NAALADL2: variants seen among roughly 807,000 people sequenced by gnomAD.
NAALADL2 encodes the protein N-acetylated alpha-linked acidic dipeptidase like 2.
NAALADL2 carries 76 observed loss-of-function variants against 87.2 expected under a neutral mutation model. The observed-to-expected ratio is 0.87, with a 90% CI of 0.72 to 1.05. NAALADL2 has a LOEUF of 1.05. NAALADL2 is among the 50% of genes least tolerant of loss of function. The probability of loss-of-function intolerance (pLI) is 0.00; values close to 1 mark genes in which losing one functional copy is unlikely to be tolerated. For synonymous variants in NAALADL2, 354 were observed against 331.0 expected (o/e 1.07, Z -0.75); for missense variants, 1,089 against 945.8 (o/e 1.15, Z -1.99).
intron 1 of NAALADL2, among the ~76,000 whole-genome samples, chr3:175,080,203 G>A (rs1463577764): frequency 6.6e-6 from 1 of 152,146 alleles, no homozygotes; most frequent in Non-Finnish European, 1.5e-5. Context: ...CTGACCTCGT[G>A]ATCCACGCAC....
chr3:175,519,853 T>C (rs1342569416), intron 9 of NAALADL2, among the ~76,000 whole-genome samples: 2 of 152,232 alleles, frequency 1.3e-5, no homozygotes, highest in African/African-American at 4.8e-5. Context: ...TTTTCTATTA[T>C]CTCTGAAACT....
chr3:174,732,225 T>C (rs946812284), intron 2 of NAALADL2, among the ~76,000 whole-genome samples: 3 of 152,140 alleles, frequency 2.0e-5, no homozygotes, highest in Non-Finnish European at 4.4e-5. Flanking sequence ...TGACTCTCTT[T>C]AGGAGAGTAG....
At chr3:175,236,278 T>C (rs1453575391) in intron 3 of NAALADL2, among the ~76,000 whole-genome samples, 5 of 152,034 alleles carry the variant, frequency 3.3e-5, no homozygotes, top group Non-Finnish European at 7.4e-5. Flanking sequence ...TAGCAGCACT[T>C]TGGGGAGGCC....
chr3:175,201,795 A>G (rs1293090021), intron 2 of NAALADL2, among the ~76,000 whole-genome samples: 1 of 147,250 alleles, frequency 6.8e-6, no homozygotes, highest in African/African-American at 2.6e-5. Context: ...CTTATTTGGA[A>G]AAAAAAAAAA....
chr3:174,885,963 G>A (rs1730089740), intron 1 of NAALADL2, among the ~76,000 whole-genome samples: 1 of 116,342 alleles, frequency 8.6e-6, no homozygotes, highest in Admixed American at 1.1e-4. Flanking sequence ...GCCCAGGCTG[G>A]AGTGCAGTGG....
intron 1 of NAALADL2, among the ~76,000 whole-genome samples, chr3:174,487,981 G>A (rs1316564228): frequency 6.6e-6 from 1 of 151,972 alleles, no homozygotes; most frequent in Non-Finnish European, 1.5e-5. Flanking sequence ...AAATTGTCAA[G>A]TTTATGAGTA....
chr3:174,511,139 G>A (rs1719575064), intron 1 of NAALADL2, among the ~76,000 whole-genome samples: 1 of 151,850 alleles, frequency 6.6e-6, no homozygotes, highest in African/African-American at 2.4e-5. Flanking sequence ...TGTTCCACAT[G>A]GACTTTATAA....
intron 1 of NAALADL2, among the ~76,000 whole-genome samples, chr3:174,483,291 C>G (rs993535537): frequency 2.0e-5 from 3 of 152,038 alleles, no homozygotes; most frequent in Admixed American, 6.6e-5. Context: ...AGGAAACTTA[C>G]AATCATGGTG....
At chr3:174,957,352 G>T (rs1579719385) in intron 1 of NAALADL2, among the ~76,000 whole-genome samples, 1 of 151,996 alleles carries the variant, frequency 6.6e-6, no homozygotes, top group East Asian at 1.9e-4. Context: ...CTTCCTCACT[G>T]CAGGCTAGTT....
At chr3:175,562,577 T>C (rs956695373) in intron 9 of NAALADL2, among the ~76,000 whole-genome samples, 2 of 151,970 alleles carry the variant, frequency 1.3e-5, no homozygotes, top group Non-Finnish European at 2.9e-5. Context: ...CTAATGAGTT[T>C]ATATAGATTG....
At chr3:175,050,051 C>T (rs957582571) in intron 1 of NAALADL2, among the ~76,000 whole-genome samples, 1 of 151,938 alleles carries the variant, frequency 6.6e-6, no homozygotes, top group East Asian at 1.9e-4. Context: ...AAGATGTGCA[C>T]GTTAGGATAA....
At chr3:174,514,373 A>T (rs976514605) in intron 1 of NAALADL2, among the ~76,000 whole-genome samples, 2 of 152,210 alleles carry the variant, frequency 1.3e-5, no homozygotes, top group Non-Finnish European at 2.9e-5. Context: ...AGAAAAAATG[A>T]TTATATAAAA....
chr3:175,319,622 C>T (rs1363068926), intron 4 of NAALADL2, among the ~76,000 whole-genome samples: 1 of 152,080 alleles, frequency 6.6e-6, no homozygotes, highest in Non-Finnish European at 1.5e-5. Flanking sequence ...GAATTTGAGA[C>T]CAGCTTGGCC....
chr3:174,623,186 A>G (rs979833133), intron 2 of NAALADL2, among the ~76,000 whole-genome samples: 3 of 152,222 alleles, frequency 2.0e-5, no homozygotes, highest in Non-Finnish European at 4.4e-5. Flanking sequence ...AATTTACTGG[A>G]GAGATGAACT....
At chr3:175,293,891 T>G (rs1755977535) in intron 4 of NAALADL2, among the ~76,000 whole-genome samples, 1 of 152,222 alleles carries the variant, frequency 6.6e-6, no homozygotes, top group African/African-American at 2.4e-5. Flanking sequence ...GACTGAGGTT[T>G]GATAGATCAA....
chr3:174,722,264 G>A (rs1242133756), intron 2 of NAALADL2, among the ~76,000 whole-genome samples: 6 of 152,092 alleles, frequency 3.9e-5, no homozygotes, highest in East Asian at 1.9e-4. Context: ...GTTGGTTTAC[G>A]GAATCCTTTT....
intron 11 of NAALADL2, among the ~76,000 whole-genome samples, chr3:175,667,262 AAAGGAAGG>A (rs57389382): frequency 1.6e-4 from 23 of 144,232 alleles, no homozygotes; most frequent in Middle Eastern, 3.6e-3. Flanking sequence ...AGAAAGAAAG[AAAGGAAGG>A]AAGGGATGGG....
At chr3:175,406,831 G>T (rs1326493334) in intron 5 of NAALADL2, among the ~76,000 whole-genome samples, 2 of 150,466 alleles carry the variant, frequency 1.3e-5, no homozygotes, top group Non-Finnish European at 3.0e-5. Flanking sequence ...TCATTCTTTT[G>T]TTATGGCTTC....
chr3:175,666,406 T>C (rs1732999001), intron 11 of NAALADL2, among the ~76,000 whole-genome samples: 1 of 152,198 alleles, frequency 6.6e-6, no homozygotes, highest in South Asian at 2.1e-4. Context: ...TGTTAGAGCA[T>C]GTGAATTTGT....
Sources: allele counts gnomAD v4.1 joint callset (sites outside exome capture counted in the v4.1 genomes callset), GRCh38; gene constraint gnomAD v4.1.1; transcripts MANE v1.5; gene names NCBI Gene and HGNC (gene_info 2026-07-23, HGNC 2026-07-21).